Variants in EHBP1L1 observed in about 807,000 individuals in gnomAD.
EHBP1L1 encodes EH domain-binding protein 1-like protein 1.
A neutral mutation model predicts 151.1 loss-of-function variants in EHBP1L1; 122 were observed. The ratio of observed to expected loss-of-function variants is 0.81; its 90% CI spans 0.70 to 0.94. The LOEUF is 0.94. Among genes scored for constraint, EHBP1L1 ranks in the 40% least tolerant of loss-of-function variants. The pLI, the probability that EHBP1L1 is intolerant of heterozygous loss-of-function variation, is 0.00. For missense variants in EHBP1L1, 1,941 were observed against 1,959.8 expected, an observed-to-expected ratio of 0.99 and a Z score of 0.18; for synonymous variants, 878 against 810.1, an observed-to-expected ratio of 1.08 and a Z score of -1.42.
Position 65,591,967 on chromosome 11 carries a change from G to T in EHBP1L1, c.4358-9G>T, listed in dbSNP as rs373025368. 2.9e-4 allele frequency: 472 copies of T among 1,610,086 alleles called. 7 individuals are homozygous for T. The highest frequency in any genetic ancestry group is 2.9e-3 in the South Asian group (260 of 90,984). The stretch of plus-strand genomic sequence containing the variant: ...GCGCCTCCTGACGCTTAGCCGCTTC[G>T]ACCCTCAGACTGGCAGAAAACGTCC... On this transcript the variant is annotated splice_polypyrimidine_tract_variant and intron_variant, in intron 17 of 18. Transcript: ENST00000309295.
Position 65,592,381 on chromosome 11 carries a change from C to T in EHBP1L1, c.*79C>T, listed in dbSNP as rs1227935394. ...CCCCGGGCCTGCGCTGCGGACGACC[C>T]GGCCGTCCCGGAGGCCGCGCGCGTG... On this transcript the variant is annotated 3_prime_UTR_variant, in exon 19 of 19. Transcript: ENST00000309295. 14 of 1,106,116 alleles carry T rather than the reference C, an allele frequency of 1.3e-5. No homozygotes were observed. The highest frequency in any genetic ancestry group is 1.6e-5 in the Non-Finnish European group (14 of 892,854). 68.5% of individuals were successfully genotyped at this position (1,106,116 alleles called of 1,614,324 possible). A position where few individuals can be genotyped will look rare whatever the true frequency, so the allele number is the denominator to read the frequency against.
At chr11:65,590,961 G>A (rs1191742329) in intron 16 of EHBP1L1, among the ~76,000 whole-genome samples, 1 of 151,776 alleles carries the variant, frequency 6.6e-6, no homozygotes, top group East Asian at 1.9e-4. Flanking sequence ...AACCTGGGAG[G>A]CAGAGGTTGC....
At position 65,583,449 on chromosome 11, in the gene EHBP1L1, G is replaced by T. The variant is rs1000083692; in HGVS notation, c.2777G>T (p.Gly926Val). 1.2e-6 allele frequency: 2 copies of T among 1,613,480 alleles called. No homozygotes were observed. The highest frequency in any genetic ancestry group is 2.7e-5 in the African/African-American group (2 of 74,850). ...EAKAEISGVQ[G>V]SETQVLRVQE... ...AAAGCAGAGATTTCAGGAGTACAAGGGTCAGAGACTCAAGTTCTGAGAGTC... is the reference window on the plus strand; with the variant it reads ...AAAGCAGAGATTTCAGGAGTACAAGTGTCAGAGACTCAAGTTCTGAGAGTC... The change falls in exon 9 of 19, where the codon GGG becomes GTG. Residue 926 changes from glycine to valine, a missense_variant. Transcript: ENST00000309295.
Position 65,585,408 on chromosome 11 carries a change from C to T in EHBP1L1, c.3750C>T (p.Gly1250=), listed in dbSNP as rs1857910972. Reference sequence around the variant, plus strand: ...GGGCGGGGGCACCGGGCGGCGGCGGCGTGAGGCTGCGACGGCCCTCGGTCA... The same window carrying T: ...GGGCGGGGGCACCGGGCGGCGGCGGTGTGAGGCTGCGACGGCCCTCGGTCA... ...VNGAGAPGGG[G]VRLRRPSVNG... is the part of the protein sequence containing the mutation. Residue 1250 remains glycine (G), a synonymous_variant, in exon 12 of 19, where the codon GGC becomes GGT. Coordinates refer to ENST00000309295, the MANE Select transcript of EHBP1L1 (RefSeq NM_001099409.3). The surrounding 1 kb of genome is among the most constrained non-coding windows in gnomAD (Gnocchi z 4.0). 11 of 1,385,062 alleles carry T rather than the reference C, an allele frequency of 7.9e-6. No homozygotes were observed. Among genetic ancestry groups the T allele is most frequent in the Non-Finnish European group, 1.0e-5 (11 of 1,076,506 alleles). 85.8% of individuals were successfully genotyped at this position (1,385,062 alleles called of 1,614,324 possible). A position where few individuals can be genotyped will look rare whatever the true frequency, so the allele number is the denominator to read the frequency against.
chr11:65,576,086 A>G lies in EHBP1L1; in HGVS notation c.-217A>G, dbSNP rs988793405. ...GCGCGCTCCCAGCTCCGCGCTCGCCACCCGACGCGCCCCAGGCGACCCCGC... is the reference window on the plus strand; with the variant it reads ...GCGCGCTCCCAGCTCCGCGCTCGCCGCCCGACGCGCCCCAGGCGACCCCGC... On this transcript the variant is annotated 5_prime_UTR_variant, in exon 1 of 19. Coordinates refer to ENST00000309295, the MANE Select transcript of EHBP1L1 (RefSeq NM_001099409.3). The G allele has an allele frequency of 3.1e-6, 1 of 324,344 alleles. No homozygotes were observed. Among genetic ancestry groups the G allele is most frequent in the Non-Finnish European group, 5.6e-6 (1 of 180,058 alleles). The allele number at this position is 324,344 out of a possible 1,614,324, so 20.1% of individuals were successfully genotyped here. A position where few individuals can be genotyped will look rare whatever the true frequency, so the allele number is the denominator to read the frequency against.
chr11:65,583,621 A>G lies in EHBP1L1; in HGVS notation c.2949A>G (p.Gly983=). ...KAQEAEAGVL[G]NEKGKEAEGS... is the part of the protein sequence containing the mutation. ...AGGAAGCGGAGGCTGGGGTCTTGGG[A>G]AATGAGAAGGGGAAAGAAGCTGAGG... The change falls in exon 9 of 19, where the codon GGA becomes GGG. Residue 983 remains glycine, a synonymous_variant. Transcript: ENST00000309295. 1 of 1,607,494 alleles carries G rather than the reference A, an allele frequency of 6.2e-7. No individual in the cohort carries two copies.
chr11:65,591,538 G>C, intron 16 of EHBP1L1: 1 of 582,328 alleles, frequency 1.7e-6, no homozygotes, highest in Non-Finnish European at 3.1e-6. Flanking sequence ...TATGAGTACT[G>C]TTCATCCAAA....
At position 65,580,146 on chromosome 11, in the gene EHBP1L1, C is replaced by T. The variant is rs766528048; in HGVS notation, c.378C>T (p.Pro126=). 37 of 1,613,544 alleles carry T rather than the reference C, an allele frequency of 2.3e-5. No individual in the cohort carries two copies. Among genetic ancestry groups the T allele is most frequent in the Admixed American group, 3.3e-5 (2 of 59,992 alleles). The change falls in exon 5 of 19, where the codon CCC becomes CCT. Residue 126 remains proline, a synonymous_variant. Coordinates refer to ENST00000309295, the MANE Select transcript of EHBP1L1 (RefSeq NM_001099409.3). ...TGGACCTGGCCCGCCATGCAGGGCC[C>T]GTGCCTGTCCAAGTCCCAGTGAGGC... ...AEVDLARHAG[P]VPVQVPVRLR...
intron 12 of EHBP1L1, among the ~76,000 whole-genome samples, chr11:65,588,045 CT>C (rs2135312193): frequency 6.6e-6 from 1 of 152,168 alleles, no homozygotes; most frequent in African/African-American, 2.4e-5. Context: ...AAACCAGCAG[CT>C]GTGACGGGGT....
intron 9 of EHBP1L1, 112 bp from the exon 10 acceptor site, chr11:65,584,129 A>T: frequency 6.6e-7 from 1 of 1,505,796 alleles, no homozygotes; most frequent in Non-Finnish European, 8.8e-7. Context: ...GTCTCTGGTG[A>T]CCCCTGCAAG....
Position 65,582,626 on chromosome 11 carries a change from G to C in EHBP1L1, c.1954G>C (p.Gly652Arg), listed in dbSNP as rs1447959369. 2.5e-6 allele frequency: 4 copies of C among 1,613,470 alleles called. No homozygotes were observed. The highest frequency in any genetic ancestry group is 3.4e-6 in the Non-Finnish European group (4 of 1,179,862). ...CCCAGGGACAGAGACTGAGGTATTG[G>C]GGACCCAGAAAACAGAAGCTGGGGG... ...ETPGTETEVL[G>R]TQKTEAGGSG... The change falls in exon 9 of 19, where the codon GGG (glycine) becomes CGG (arginine). Residue 652 changes from glycine to arginine, a missense_variant. Gly to Arg is a moderately radical substitution (Grantham distance 125, BLOSUM62 -2). Coordinates refer to ENST00000309295, the MANE Select transcript of EHBP1L1 (RefSeq NM_001099409.3).
Position 65,584,379 on chromosome 11 carries a change from C to T in EHBP1L1, c.3232C>T (p.Arg1078Ter), listed in dbSNP as rs765048871. The change falls in exon 10 of 19, where the codon CGA (arginine) becomes TGA (stop). Residue 1078 changes from arginine (R) to a stop codon, truncating the protein, a stop_gained. Coordinates refer to ENST00000309295, the MANE Select transcript of EHBP1L1 (RefSeq NM_001099409.3). LOFTEE classifies it high-confidence loss of function. Reference protein sequence around the residue: ...NGLAFCAILHRFYPDKIDYAS... With the variant: ...NGLAFCAILH Reference sequence around the variant, plus strand: ...CTTGGCCTTCTGTGCCATCCTGCACCGATTCTACCCAGACAAGATGTGAGC... The same window carrying T: ...CTTGGCCTTCTGTGCCATCCTGCACTGATTCTACCCAGACAAGATGTGAGC... The T allele has an allele frequency of 3.7e-6, 6 of 1,612,208 alleles. No homozygotes were observed. In the South Asian group the frequency reaches 4.4e-5, roughly 12 times the overall value.
At chr11:65,580,589 C>A (rs1857549543) in intron 6 of EHBP1L1, 110 bp downstream of exon 6, 2 of 1,402,708 alleles carry the variant, frequency 1.4e-6, no homozygotes, top group Non-Finnish European at 1.9e-6. Flanking sequence ...CTCATTACTG[C>A]CCAGGCAGTC....
intron 1 of EHBP1L1, among the ~76,000 whole-genome samples, chr11:65,578,651 T>C (rs576079644): frequency 1.3e-5 from 2 of 152,304 alleles, no homozygotes; most frequent in East Asian, 3.9e-4. Flanking sequence ...TCCACAAACA[T>C]CTTTGTGCGA....
intron 1 of EHBP1L1, 35 bp from the exon 2 acceptor site, chr11:65,579,042 CT>C (rs1164709608): frequency 6.4e-7 from 1 of 1,554,604 alleles, no homozygotes; most frequent in Non-Finnish European, 8.7e-7. Context: ...ACCAAGCAGC[CT>C]GCTCCCTTTC....
intron 12 of EHBP1L1, among the ~76,000 whole-genome samples, chr11:65,589,340 C>G (rs555445131): frequency 7.2e-5 from 11 of 152,262 alleles, no homozygotes; most frequent in African/African-American, 2.2e-4. Context: ...TGCAGTGAGC[C>G]ATGATCCTGC....
Position 65,582,463 on chromosome 11 carries a change from T to C in EHBP1L1, c.1791T>C (p.Thr597=), listed in dbSNP as rs184807439. The C allele has an allele frequency of 6.2e-7, 1 of 1,612,612 alleles. No homozygotes were observed. Among genetic ancestry groups the C allele is most frequent in the East Asian group, 2.2e-5 (1 of 44,842 alleles). ...KEVEGSGFPE[T]RTLEIEILGA... is the part of the protein sequence containing the mutation. ...TTGAGGGGTCAGGGTTCCCAGAGAC[T>C]AGGACACTAGAAATTGAGATATTGG... is the stretch of plus-strand genomic sequence containing the variant. The change falls in exon 9 of 19, where the codon ACT becomes ACC. Residue 597 remains threonine (T), a synonymous_variant. Transcript: ENST00000309295.
rs745898424 is a variant in EHBP1L1 at position 65,582,025 on chromosome 11, C to T, written c.1353C>T (p.Cys451=). The change falls in exon 9 of 19, where the codon TGC becomes TGT. Residue 451 remains cysteine (C), a synonymous_variant. Transcript: ENST00000309295. ...CAGGGGTGATGCCTGAGGCAAGATGCAGGGGGACCCCTGAGGCTCCTCCAA... is the reference window on the plus strand; with the variant it reads ...CAGGGGTGATGCCTGAGGCAAGATGTAGGGGGACCCCTGAGGCTCCTCCAA... ...EATGVMPEAR[C]RGTPEAPPRG... 2 of 1,613,584 alleles carry T rather than the reference C, an allele frequency of 1.2e-6. No homozygotes were observed. Among genetic ancestry groups the T allele is most frequent in the Non-Finnish European group, 1.7e-6 (2 of 1,179,826 alleles).
rs781139980 is a variant in EHBP1L1, at chr11:65,583,272, G to A, written c.2600G>A (p.Arg867His). The A allele has an allele frequency of 1.2e-5, 20 of 1,613,436 alleles. No individual in the cohort carries two copies. Among genetic ancestry groups the A allele is most frequent in the Non-Finnish European group, 1.6e-5 (19 of 1,179,804 alleles). Residue 867 changes from arginine (R) to histidine (H), a missense_variant, in exon 9 of 19, where the codon CGT becomes CAT. By Grantham distance (29) the Arg-to-His change is conservative. Coordinates refer to ENST00000309295, the MANE Select transcript of EHBP1L1 (RefSeq NM_001099409.3). The stretch of plus-strand genomic sequence containing the variant: ...GCAGAGGCCCGAGTACTGATGACCC[G>A]TAAGACAGAAATTATAGTTCCAGAG... Reference protein sequence around the residue: ...GMAEARVLMTRKTEIIVPEAE... With the variant: ...GMAEARVLMTHKTEIIVPEAE...
Sources: gnomAD v4.1 joint callset for allele counts (sites outside exome capture counted in the v4.1 genomes callset) on GRCh38, gnomAD v4.1.1 for gene constraint, Gnocchi (gnomAD v3.1) non-coding constraint, MANE v1.5 for transcripts, NCBI Gene and HGNC (gene_info 2026-07-23, HGNC 2026-07-21) for gene names.